STK4: variants seen among roughly 807,000 people sequenced by gnomAD.
STK4 encodes serine/threonine kinase 4, also known as serine/threonine-protein kinase 4.
Under a neutral mutation model 64.9 loss-of-function variants are expected in STK4, and 30 were observed. The ratio of observed to expected loss-of-function variants is 0.46; its 90% CI spans 0.35 to 0.63. The LOEUF (loss-of-function observed/expected upper bound fraction) is 0.63. Among genes scored for constraint, STK4 ranks in the 20% least tolerant of loss-of-function variants. STK4 has a pLI of 0.01. For synonymous variants in STK4, 177 were observed against 199.0 expected (o/e 0.89, Z 0.93); for missense variants, 466 against 598.5 (o/e 0.78, Z 2.31).
At chr20:44,975,546 C>A (rs1365660643) in intron 2 of STK4, 1 of 208,500 alleles carries the variant, frequency 4.8e-6, no homozygotes, top group East Asian at 1.8e-4. Flanking sequence ...GGAAAGAAAT[C>A]TAAATAATCA....
chr20:45,007,569 A>G (rs2067971174), intron 9 of STK4, among the ~76,000 whole-genome samples: 1 of 151,824 alleles, frequency 6.6e-6, no homozygotes, highest in Non-Finnish European at 1.5e-5. Flanking sequence ...AACAAAAAAA[A>G]GAAAGCACTT....
intron 10 of STK4, among the ~76,000 whole-genome samples, chr20:45,055,705 T>C (rs1473257459): frequency 1.4e-5 from 2 of 144,830 alleles, no homozygotes; most frequent in African/African-American, 4.9e-5. Flanking sequence ...TATCTTTCTT[T>C]TCTTTTTCTT....
chr20:45,040,932 A>G (rs1159474243), intron 10 of STK4, among the ~76,000 whole-genome samples: 1 of 152,154 alleles, frequency 6.6e-6, no homozygotes, highest in African/African-American at 2.4e-5. Context: ...TTCAATTCAC[A>G]ATAAATGTCA....
intron 10 of STK4, among the ~76,000 whole-genome samples, chr20:45,041,311 A>G (rs1346222308): frequency 1.3e-5 from 2 of 149,784 alleles, no homozygotes; most frequent in African/African-American, 5.1e-5. Context: ...ACATGTATGC[A>G]TGCATGCATG....
chr20:45,067,243 G>A (rs1979654456), intron 10 of STK4, among the ~76,000 whole-genome samples: 1 of 152,126 alleles, frequency 6.6e-6, no homozygotes, highest in African/African-American at 2.4e-5. Context: ...TTCCAAAGGT[G>A]TGTTCTTTCC....
In STK4 at chr20:44,981,901, G is replaced by C; in HGVS notation, c.318G>C (p.Gly106=). The C allele has an allele frequency of 6.2e-7, 1 of 1,613,970 alleles. No homozygotes were observed. Among genetic ancestry groups the C allele is most frequent in the Non-Finnish European group, 8.5e-7 (1 of 1,179,958 alleles). ...TATGGATCGTTATGGAGTACTGTGG[G>C]GCTGGTTCTGTATCTGATATCATTC... The part of the protein sequence containing the change: ...TDLWIVMEYC[G]AGSVSDIIRL... The change falls in exon 4 of 11, where the codon GGG becomes GGC. Residue 106 remains glycine (G), a synonymous_variant. Coordinates refer to ENST00000372806, the MANE Select transcript of STK4 (RefSeq NM_006282.5).
intron 10 of STK4, among the ~76,000 whole-genome samples, chr20:45,046,695 T>C (rs1003400282): frequency 2.6e-5 from 4 of 151,938 alleles, no homozygotes; most frequent in Non-Finnish European, 2.9e-5. Flanking sequence ...ATTTATTTTT[T>C]TTCCGAGATG....
intron 10 of STK4, among the ~76,000 whole-genome samples, chr20:45,056,793 T>C (rs1978517790): frequency 6.6e-6 from 1 of 152,104 alleles, no homozygotes; most frequent in African/African-American, 2.4e-5. Context: ...AACTATCAGA[T>C]ATGAAGAAAC....
rs577958074 is a variant in STK4, at chr20:45,028,029, A to G, written c.1305+2899A>G. 2.4e-4 allele frequency among the ~76,000 whole-genome samples: 37 copies of G among 152,292 alleles called. 1 individual carries two copies. The South Asian group carries it at 6.8e-3, about 28-fold the overall frequency. ...TATCCATTGATGGACACTTGGGTTG[A>G]TTCCATATCTTGGCTATTGTGAATA... On this transcript the variant is annotated intron_variant, in intron 10 of 10. Coordinates refer to ENST00000372806, the MANE Select transcript of STK4 (RefSeq NM_006282.5).
At chr20:45,049,991 G>A (rs1432929643) in intron 10 of STK4, among the ~76,000 whole-genome samples, 1 of 152,166 alleles carries the variant, frequency 6.6e-6, no homozygotes, top group African/African-American at 2.4e-5. Context: ...AGTTAGACTA[G>A]ATGACCTTTA....
At chr20:45,050,470 C>T (rs2068760878) in intron 10 of STK4, among the ~76,000 whole-genome samples, 2 of 152,018 alleles carry the variant, frequency 1.3e-5, no homozygotes, top group Non-Finnish European at 2.9e-5. Context: ...CATGGTACGC[C>T]CTTAGAATTA....
intron 1 of STK4, chr20:44,967,210 G>A (rs1034584986): frequency 6.1e-6 from 6 of 985,246 alleles, no homozygotes; most frequent in Non-Finnish European, 4.8e-6. Context: ...TATTACTGAT[G>A]TTCAGTGTCT....
intron 9 of STK4, among the ~76,000 whole-genome samples, chr20:45,011,462 A>C (rs1470853968): frequency 4.6e-5 from 7 of 152,040 alleles, no homozygotes; most frequent in African/African-American, 1.7e-4. Context: ...TGGATACCTC[A>C]TACTTGGCAA....
At chr20:44,970,560 T>G (rs2067226020) in intron 1 of STK4, 3 of 152,254 alleles carry the variant, frequency 2.0e-5, no homozygotes, top group African/African-American at 7.2e-5. Context: ...AAGTTTCAGT[T>G]CTGAAGTTTA....
intron 4 of STK4, among the ~76,000 whole-genome samples, chr20:44,982,425 C>A (rs1022991793): frequency 6.6e-6 from 1 of 151,970 alleles, no homozygotes. Flanking sequence ...ATGACCCCCC[C>A]ATGCCTGGCA....
chr20:44,996,332 C>T (rs553286385), intron 6 of STK4, among the ~76,000 whole-genome samples: 1 of 149,274 alleles, frequency 6.7e-6, no homozygotes, highest in Non-Finnish European at 1.5e-5. Flanking sequence ...TTGTAATACA[C>T]CCCCCCGCCA....
At chr20:45,040,808 GT>G (rs1311612211) in intron 10 of STK4, among the ~76,000 whole-genome samples, 1 of 152,026 alleles carries the variant, frequency 6.6e-6, no homozygotes, top group African/African-American at 2.4e-5. Flanking sequence ...GCTATTTCCA[GT>G]GTAGATTGAA....
chr20:45,062,169 C>T lies in STK4; in HGVS notation c.1306-12849C>T, dbSNP rs149574195. ...TGCTGGGATTACAGGTGTGAGCCAC[C>T]GTGCCTGGCCTCAGTATTTGTTTTT... On this transcript the variant is annotated intron_variant, in intron 10 of 10. Transcript: ENST00000372806. Among the ~76,000 whole-genome samples, 55 of 152,162 alleles carry T rather than the reference C, an allele frequency of 3.6e-4. No individual in the cohort carries two copies. In the East Asian group the frequency reaches 9.8e-3, roughly 27 times the overall value.
intron 10 of STK4, chr20:45,053,137 C>T: frequency 6.2e-7 from 1 of 1,612,752 alleles, no homozygotes; most frequent in East Asian, 2.2e-5. Context: ...CCAAAATTGC[C>T]AGGGAAACCT....
Sources: allele counts gnomAD v4.1 joint callset (sites outside exome capture counted in the v4.1 genomes callset), GRCh38; gene constraint gnomAD v4.1.1; transcripts MANE v1.5; gene names NCBI Gene and HGNC (gene_info 2026-07-23, HGNC 2026-07-21).